SOS2: variants seen among roughly 807,000 people sequenced by gnomAD.
SOS2 encodes the protein SOS Ras/Rho guanine nucleotide exchange factor 2.
SOS2 carries 65 observed loss-of-function variants against 148.2 expected under a neutral mutation model. The observed-to-expected ratio is 0.44, with a 90% CI of 0.36 to 0.54. The LOEUF is 0.54. Among genes scored for constraint, SOS2 ranks in the 20% least tolerant of loss-of-function variants. SOS2 has a pLI of 0.00. For synonymous variants in SOS2, 539 were observed against 537.1 expected, an observed-to-expected ratio of 1.00 and a Z score of -0.05; for missense variants, 1,341 against 1,590.2, an observed-to-expected ratio of 0.84 and a Z score of 2.67.
At chr14:50,170,494 T>C (rs1400847672) in intron 8 of SOS2, among the ~76,000 whole-genome samples, 1 of 151,918 alleles carries the variant, frequency 6.6e-6, no homozygotes, top group Admixed American at 6.6e-5. Flanking sequence ...AAGACCAGCC[T>C]AGGCAACATG....
chr14:50,159,565 T>G lies in SOS2; in HGVS notation c.1718A>C (p.Tyr573Ser). Residue 573 changes from tyrosine to serine, a missense_variant, in exon 10 of 23, where the codon TAT (tyrosine) becomes TCT (serine). By Grantham distance (144) the Tyr-to-Ser change is moderately radical. Coordinates refer to ENST00000216373, the MANE Select transcript of SOS2 (RefSeq NM_006939.4). ...QPLRLPSPEV[Y>S]RFVVKDSEEN... Reference sequence around the variant, plus strand: ...CTCAGAGTCTTTTACTACAAAACGATATACTTCAGGACTTGGTAATCTCAG... The same window carrying G: ...CTCAGAGTCTTTTACTACAAAACGAGATACTTCAGGACTTGGTAATCTCAG... The G allele has an allele frequency of 6.2e-7, 1 of 1,614,036 alleles. No individual in the cohort carries two copies. The highest frequency in any genetic ancestry group is 8.5e-7 in the Non-Finnish European group (1 of 1,179,936).
intron 13 of SOS2, among the ~76,000 whole-genome samples, chr14:50,150,438 C>T (rs1399807776): frequency 1.7e-4 from 26 of 152,140 alleles, no homozygotes; most frequent in Non-Finnish European, 1.0e-4. Context: ...TATTTAAGCA[C>T]CTTTAAAACA....
chr14:50,212,705 A>G (rs938503639), intron 1 of SOS2, among the ~76,000 whole-genome samples: 2 of 152,214 alleles, frequency 1.3e-5, no homozygotes, highest in African/African-American at 2.4e-5. Context: ...TGAGGGGGGA[A>G]ATTATCAATA....
At chr14:50,180,811 C>T in intron 6 of SOS2, 129 bp from the exon 7 acceptor site, 1 of 522,182 alleles carries the variant, frequency 1.9e-6, no homozygotes. Flanking sequence ...CCACTATATT[C>T]CAGCTCGAGC....
At position 50,159,543 on chromosome 14, in the gene SOS2, A is replaced by G. The variant is rs2139628157; in HGVS notation, c.1740T>C (p.Ser580=). 1 of 1,613,698 alleles carries G rather than the reference A, an allele frequency of 6.2e-7. No individual in the cohort carries two copies. Among genetic ancestry groups the G allele is most frequent in the Non-Finnish European group, 8.5e-7 (1 of 1,179,744 alleles). The change falls in exon 10 of 23, where the codon TCT becomes TCC. Residue 580 remains serine, a synonymous_variant. Transcript: ENST00000216373. ...TGTCTTCAAAAACAATGTTTTCCTC[A>G]GAGTCTTTTACTACAAAACGATATA... ...PEVYRFVVKD[S]EENIVFEDNL... is the part of the protein sequence containing the mutation.
At chr14:50,138,814 AAAGTT>A (rs745814091) in intron 17 of SOS2, 30 bp from the exon 18 acceptor site, 7 of 755,972 alleles carry the variant, frequency 9.3e-6, no homozygotes, top group Non-Finnish European at 1.4e-5. Context: ...AATTTAAAGA[AAAGTT>A]ATTTTAAATT....
chr14:50,222,052 A>G (rs1887219473), intron 1 of SOS2, among the ~76,000 whole-genome samples: 5 of 152,170 alleles, frequency 3.3e-5, no homozygotes, highest in Admixed American at 2.6e-4. Context: ...ACAATGTAAA[A>G]TTTCCAACTT....
intron 1 of SOS2, among the ~76,000 whole-genome samples, chr14:50,224,184 G>A (rs143998136): frequency 0.059 from 8,980 of 151,296 alleles, 357 homozygotes; most frequent in Admixed American, 0.14. Context: ...CCAGCTACTC[G>A]GGAGGCTGAG....
chr14:50,149,415 C>T (rs1477716808), intron 14 of SOS2, among the ~76,000 whole-genome samples: 1 of 151,896 alleles, frequency 6.6e-6, no homozygotes, highest in African/African-American at 2.4e-5. Flanking sequence ...AAAAATATAA[C>T]ATGTTCCCAC....
intron 5 of SOS2, among the ~76,000 whole-genome samples, chr14:50,186,620 T>TA (rs61620791): frequency 9.8e-4 from 134 of 136,340 alleles, no homozygotes; most frequent in East Asian, 4.2e-3. Context: ...CATCTATATT[T>TA]AAAAAAAAAA....
chr14:50,212,271 C>T (rs1056976385), intron 1 of SOS2, among the ~76,000 whole-genome samples: 4 of 152,306 alleles, frequency 2.6e-5, no homozygotes, highest in South Asian at 2.1e-4. Context: ...GTCAAGAGAT[C>T]GAGACCATCC....
At chr14:50,172,602 A>T (rs986438156) in intron 8 of SOS2, among the ~76,000 whole-genome samples, 1 of 151,596 alleles carries the variant, frequency 6.6e-6, no homozygotes, top group Non-Finnish European at 1.5e-5. Flanking sequence ...TCCTAGCCTC[A>T]AGTCATTCCC....
chr14:50,188,550 T>C lies in SOS2; in HGVS notation c.661A>G (p.Ile221Val). Residue 221 changes from isoleucine (I) to valine (V), a missense_variant, in exon 5 of 23, where the codon ATA (isoleucine) becomes GTA (valine). Coordinates refer to ENST00000216373, the MANE Select transcript of SOS2 (RefSeq NM_006939.4). ...AGAAAGGCTTCTCGAAACACTTTTA[T>C]GATCATATTTAATTCCCGTAGATAC... ...RQYLRELNMI[I>V]KVFREAFLSD... The C allele has an allele frequency of 6.2e-7, 1 of 1,605,178 alleles. No individual in the cohort carries two copies.
intron 7 of SOS2, among the ~76,000 whole-genome samples, chr14:50,175,241 C>T (rs1030077032): frequency 2.6e-5 from 4 of 152,074 alleles, no homozygotes; most frequent in Non-Finnish European, 5.9e-5. Flanking sequence ...TGATGAAGTA[C>T]TTACAATAAG....
rs1243029386 is a variant in SOS2, at chr14:50,159,966, A to G, written c.1317T>C (p.Cys439=). Residue 439 remains cysteine, a synonymous_variant, in exon 10 of 23, where the codon TGT becomes TGC. Transcript: ENST00000216373. ...ATGGTCCCTCCATAATGAATTCATT[A>G]CAACACTGTCCAATATCTTTGCCTT... ...GWEGKDIGQC[C]NEFIMEGPLT... 1 of 1,614,194 alleles carries G rather than the reference A, an allele frequency of 6.2e-7. No homozygotes were observed. Among genetic ancestry groups the G allele is most frequent in the Admixed American group, 1.7e-5 (1 of 60,020 alleles).
At chr14:50,199,486 TTC>T (rs1886414883) in intron 4 of SOS2, among the ~76,000 whole-genome samples, 2 of 152,106 alleles carry the variant, frequency 1.3e-5, no homozygotes. Flanking sequence ...AAGTAAAAGA[TTC>T]TTGACCAAAA....
chr14:50,160,259 A>G (rs1884952528), intron 9 of SOS2, among the ~76,000 whole-genome samples, 173 bp from the exon 10 acceptor site: 1 of 152,152 alleles, frequency 6.6e-6, no homozygotes, highest in Non-Finnish European at 1.5e-5. Flanking sequence ...TTTCATTATT[A>G]TGAAAGAGAA....
At chr14:50,132,469 T>C (rs576590945) in intron 19 of SOS2, among the ~76,000 whole-genome samples, 185 of 150,976 alleles carry the variant, frequency 1.2e-3, no homozygotes, top group African/African-American at 4.2e-3. Flanking sequence ...AAGACATGCC[T>C]GGCCAACATG....
Position 50,156,989 on chromosome 14 carries a change from C to T in SOS2, c.2057+10G>A, listed in dbSNP as rs1317518496. Reference sequence around the variant, plus strand: ...TATATATATATATATAAAAAATATTCAAGCCAAACCTAAGTTGTACTGGTT... The same window carrying T: ...TATATATATATATATAAAAAATATTTAAGCCAAACCTAAGTTGTACTGGTT... On this transcript the variant is annotated intron_variant, in intron 12 of 22. Coordinates refer to ENST00000216373, the MANE Select transcript of SOS2 (RefSeq NM_006939.4). 2 of 1,523,154 alleles carry T rather than the reference C, an allele frequency of 1.3e-6. No homozygotes were observed. The highest frequency in any genetic ancestry group is 1.8e-6 in the Non-Finnish European group (2 of 1,122,440). The allele number at this position is 1,523,154 out of a possible 1,614,324, so 94.4% of individuals were successfully genotyped here. A position where few individuals can be genotyped will look rare whatever the true frequency, so the allele number is the denominator to read the frequency against.
Sources: allele counts gnomAD v4.1 joint callset (sites outside exome capture counted in the v4.1 genomes callset), GRCh38; gene constraint gnomAD v4.1.1; transcripts MANE v1.5; gene names NCBI Gene and HGNC (gene_info 2026-07-23, HGNC 2026-07-21).